DCAF4: variants seen among roughly 807,000 people sequenced by gnomAD.
DCAF4 encodes the protein DDB1- and CUL4-associated factor 4.
Under a neutral mutation model 60.9 loss-of-function variants are expected in DCAF4, and 37 were observed. The observed-to-expected ratio is 0.61, with a 90% CI of 0.47 to 0.80. DCAF4 has a LOEUF of 0.80. DCAF4 is among the 30% of genes least tolerant of loss of function. The probability of loss-of-function intolerance (pLI) is 0.00; values close to 1 mark genes in which losing one functional copy is unlikely to be tolerated. For missense variants in DCAF4, 577 were observed against 650.0 expected (o/e 0.89, Z 1.22); for synonymous variants, 243 against 254.8 (o/e 0.95, Z 0.44).
chr14:72,951,867 T>C lies in DCAF4; in HGVS notation c.798T>C (p.Asn266=), dbSNP rs1230031933. Residue 266 remains asparagine, a synonymous_variant, in exon 9 of 14, where the codon AAT becomes AAC. Transcript: ENST00000358377. ...ATLLPASLFV[N]SHPGIDRPGM... ...TGCTCCCAGCATCACTGTTCGTCAA[T>C]AGTCACCCAGGTACAGGGTTCTCCT... 2.5e-6 allele frequency: 4 copies of C among 1,614,072 alleles called. No homozygotes were observed.
At chr14:72,953,071 G>C (rs998007651) in intron 9 of DCAF4, among the ~76,000 whole-genome samples, 1 of 130,824 alleles carries the variant, frequency 7.6e-6, no homozygotes, top group East Asian at 2.4e-4. Context: ...CACGATCTCA[G>C]TTCACCGCAA....
At chr14:72,932,014 A>C (rs1888645793) in intron 1 of DCAF4, among the ~76,000 whole-genome samples, 1 of 137,252 alleles carries the variant, frequency 7.3e-6, no homozygotes, top group Non-Finnish European at 1.5e-5. Context: ...TGAGAGATGG[A>C]GTCTTGCTCT....
downstream of DCAF4, chr14:72,960,905 TCTCA>T (rs1892794263): frequency 6.6e-6 from 1 of 151,644 alleles, no homozygotes; most frequent in South Asian, 2.1e-4. Context: ...TGAGACATGG[TCTCA>T]CTCTGTCGCC....
intron 6 of DCAF4, among the ~76,000 whole-genome samples, chr14:72,943,807 T>C (rs930103303): frequency 6.6e-6 from 1 of 152,064 alleles, no homozygotes; most frequent in East Asian, 1.9e-4. Flanking sequence ...GAGAGGAGGA[T>C]ACAGAGGCAG....
intron 1 of DCAF4, chr14:72,929,550 A>AT: frequency 1.2e-6 from 1 of 849,470 alleles, no homozygotes; most frequent in Non-Finnish European, 1.9e-6. Context: ...AATATTTTTT[A>AT]TTTTTATTTT....
intron 8 of DCAF4, among the ~76,000 whole-genome samples, chr14:72,948,445 A>G (rs578034886): frequency 6.6e-6 from 1 of 152,186 alleles, no homozygotes; most frequent in African/African-American, 2.4e-5. Context: ...CTAAATTGCA[A>G]ATTTTATGTG....
At position 72,941,681 on chromosome 14, in the gene DCAF4, T is replaced by C. The variant is rs1450325811; in HGVS notation, c.352-64T>C. The C allele has an allele frequency of 5.4e-6, 8 of 1,494,426 alleles. No individual in the cohort carries two copies. The Admixed American group carries it at 1.4e-4, about 26-fold the overall frequency. The allele number at this position is 1,494,426 out of a possible 1,614,324, so 92.6% of individuals were successfully genotyped here. ...ATTACATCCTATGGAACTAAAAACATTCTCCATCATCCCCTAACAAATAAA... is the reference window on the plus strand; with the variant it reads ...ATTACATCCTATGGAACTAAAAACACTCTCCATCATCCCCTAACAAATAAA... On this transcript the variant is annotated intron_variant, in intron 4 of 13. Transcript: ENST00000358377.
At chr14:72,955,959 G>T (rs1322407337) in intron 12 of DCAF4, among the ~76,000 whole-genome samples, 2 of 109,882 alleles carry the variant, frequency 1.8e-5, no homozygotes, top group African/African-American at 3.6e-5. Flanking sequence ...GTCTTGCTCT[G>T]TCGCCCGGGC....
chr14:72,940,870 C>T (rs768688564), intron 4 of DCAF4, among the ~76,000 whole-genome samples: 13 of 151,350 alleles, frequency 8.6e-5, no homozygotes, highest in South Asian at 2.1e-4. Flanking sequence ...GGATTACAGG[C>T]GTGAGCCACC....
intron 13 of DCAF4, 137 bp downstream of exon 13, chr14:72,956,637 G>GA: frequency 1.3e-6 from 1 of 754,464 alleles, no homozygotes; most frequent in Non-Finnish European, 2.2e-6. Flanking sequence ...GCTGGGTGGG[G>GA]AGACTAGGAG....
At chr14:72,933,185 A>G (rs537987513) in intron 1 of DCAF4, among the ~76,000 whole-genome samples, 1 of 152,328 alleles carries the variant, frequency 6.6e-6, no homozygotes, top group South Asian at 2.1e-4. Context: ...GTCTCCAGAC[A>G]TTGCCAGATG....
At chr14:72,959,883 T>A (rs901933781), downstream of DCAF4, among the ~76,000 whole-genome samples, 6 of 152,140 alleles carry the variant, frequency 3.9e-5, no homozygotes, top group Admixed American at 6.6e-5. Context: ...GAAGCAGCAG[T>A]AGAACACAGA....
chr14:72,940,031 G>A (rs1889818173), intron 3 of DCAF4, 129 bp downstream of exon 3: 1 of 1,184,738 alleles, frequency 8.4e-7, no homozygotes, highest in South Asian at 1.5e-5. Flanking sequence ...CGTCAGGAAT[G>A]GTGGTCATGA....
intron 1 of DCAF4, among the ~76,000 whole-genome samples, chr14:72,927,809 T>A (rs1403437317): frequency 6.6e-6 from 1 of 152,170 alleles, no homozygotes; most frequent in African/African-American, 2.4e-5. Flanking sequence ...AGGGTGGGCG[T>A]TAGTACAAAG....
At position 72,958,929 on chromosome 14, in the gene DCAF4, G is replaced by A. The variant is rs1483228487; in HGVS notation, c.*124G>A. 2.1e-6 allele frequency: 3 copies of A among 1,401,706 alleles called. No homozygotes were observed. Among genetic ancestry groups the A allele is most frequent in the South Asian group, 1.7e-5 (1 of 57,906 alleles). The allele number at this position is 1,401,706 out of a possible 1,614,324, so 86.8% of individuals were successfully genotyped here. A position where few individuals can be genotyped will look rare whatever the true frequency, so the allele number is the denominator to read the frequency against. On this transcript the variant is annotated 3_prime_UTR_variant, in exon 14 of 14. Coordinates refer to ENST00000358377, the MANE Select transcript of DCAF4 (RefSeq NM_015604.4). ...TGTACACAGATCCCATCCTCTGGCT[G>A]CTAGGAGAGAAGTGCTGAATGTTCC...
In DCAF4 at chr14:72,940,138, G is replaced by A. The variant is rs996543093; in HGVS notation, c.194-82G>A. The A allele has an allele frequency of 2.6e-6, 4 of 1,553,658 alleles. No individual in the cohort carries two copies. In the East Asian group the frequency reaches 6.7e-5, roughly 26 times the overall value. ...AGAAAAGACAGGCAGCCACGAGGTGGGGGGACAGGCCACTGGGCGCCCAAC... is the reference window on the plus strand; with the variant it reads ...AGAAAAGACAGGCAGCCACGAGGTGAGGGGACAGGCCACTGGGCGCCCAAC... On this transcript the variant is annotated intron_variant, in intron 3 of 13. Coordinates refer to ENST00000358377, the MANE Select transcript of DCAF4 (RefSeq NM_015604.4).
intron 2 of DCAF4, 71 bp downstream of exon 2, chr14:72,938,141 C>A: frequency 1.3e-6 from 2 of 1,515,078 alleles, no homozygotes; most frequent in South Asian, 1.3e-5. Context: ...GCATGTCACA[C>A]GATCACAGGT....
At chr14:72,951,147 GT>G (rs900477041) in intron 8 of DCAF4, among the ~76,000 whole-genome samples, 2 of 151,886 alleles carry the variant, frequency 1.3e-5, no homozygotes, top group African/African-American at 4.8e-5. Flanking sequence ...CGCCCAGCTA[GT>G]TTTTGTATTT....
intron 8 of DCAF4, 85 bp from the exon 9 acceptor site, chr14:72,951,713 C>A: frequency 7.7e-7 from 1 of 1,299,688 alleles, no homozygotes; most frequent in Non-Finnish European, 1.1e-6. Context: ...AGGTTGTGTG[C>A]CGTATGACTT....
Sources: allele counts gnomAD v4.1 joint callset (sites outside exome capture counted in the v4.1 genomes callset), GRCh38; gene constraint gnomAD v4.1.1; transcripts MANE v1.5; gene names NCBI Gene and HGNC (gene_info 2026-07-23, HGNC 2026-07-21).